The following SPTBN1 variants were observed in gnomAD, a reference collection of about 807,000 sequenced individuals.
SPTBN1 encodes spectrin beta chain, non-erythrocytic 1.
SPTBN1 carries 32 observed loss-of-function variants against 266.4 expected under a neutral mutation model. The ratio of observed to expected loss-of-function variants is 0.12; its 90% CI spans 0.09 to 0.16. The LOEUF (loss-of-function observed/expected upper bound fraction) is 0.16, where lower values mean the gene tolerates loss of function less well. SPTBN1 is among the 10% of genes least tolerant of loss of function. The pLI, the probability that SPTBN1 is intolerant of heterozygous loss-of-function variation, is 1.00. For synonymous variants in SPTBN1, 1,336 were observed against 1,162.2 expected (o/e 1.15, Z -3.04); for missense variants, 2,296 against 3,067.1 (o/e 0.75, Z 5.94).
Position 54,632,609 on chromosome 2 carries a change from G to T in SPTBN1, c.3608G>T (p.Gly1203Val), listed in dbSNP as rs201202003. The T allele has an allele frequency of 6.8e-6, 11 of 1,614,214 alleles. No homozygotes were observed. In the East Asian group the frequency reaches 2.5e-4, roughly 36 times the overall value. Residue 1203 changes from glycine to valine, a missense_variant, in exon 17 of 36, where the codon GGA becomes GTA. By Grantham distance (109) the Gly-to-Val change is moderately radical. Transcript: ENST00000356805. ...ACTGAAATGCCTACCACCTTGGAAG[G>T]AGCTGAAGCAGCAATTAAAAAGCAA... is the stretch of plus-strand genomic sequence containing the variant. ...AHTEMPTTLE[G>V]AEAAIKKQED...
intron 2 of SPTBN1, 91 bp from the exon 3 acceptor site, chr2:54,599,001 C>T: frequency 2.0e-6 from 3 of 1,491,224 alleles, no homozygotes; most frequent in African/African-American, 1.4e-5. Flanking sequence ...TGCTGACCTT[C>T]CTCTGGCTGG....
At chr2:54,644,202 G>C in intron 19 of SPTBN1, 121 bp from the exon 20 acceptor site, 1 of 1,253,700 alleles carries the variant, frequency 8.0e-7, no homozygotes, top group Non-Finnish European at 1.1e-6. Flanking sequence ...CATGTGGAAA[G>C]ACTGTGTGTA....
chr2:54,638,410 G>A (rs757288824), intron 18 of SPTBN1, among the ~76,000 whole-genome samples: 20 of 152,172 alleles, frequency 1.3e-4, no homozygotes, highest in Non-Finnish European at 2.6e-4. Context: ...TTTCTTATTC[G>A]CTTAAGACCT....
intron 1 of SPTBN1, among the ~76,000 whole-genome samples, chr2:54,463,433 G>A (rs758470429): frequency 1.3e-5 from 2 of 152,220 alleles, no homozygotes; most frequent in Non-Finnish European, 2.9e-5. Context: ...AGAGGTCATG[G>A]CTAGAGAGGC....
rs1208768736 is a variant in SPTBN1 at position 54,503,327 on chromosome 2, C to T, written c.-47-23045C>T. ...GCCTTCCTGTTCATGGAGGACTAGG[C>T]GTAGTGTGGGGGTCTCATTGCTCAT... On this transcript the variant is annotated intron_variant, in intron 1 of 35. Coordinates refer to ENST00000356805, the MANE Select transcript of SPTBN1 (RefSeq NM_003128.3). Among the ~76,000 whole-genome samples the T allele has an allele frequency of 3.3e-5, 5 of 152,154 alleles. 1 individual carries two copies. Among genetic ancestry groups the T allele is most frequent in the Admixed American group, 1.3e-4 (2 of 15,272 alleles).
chr2:54,643,429 C>T (rs1414983320), intron 19 of SPTBN1, among the ~76,000 whole-genome samples: 1 of 152,178 alleles, frequency 6.6e-6, no homozygotes, highest in African/African-American at 2.4e-5. Flanking sequence ...AGCTCTCATG[C>T]AGGGATTCCA....
At chr2:54,663,928 G>A (rs1305259964) in intron 32 of SPTBN1, 1 of 152,494 alleles carries the variant, frequency 6.6e-6, no homozygotes, top group African/African-American at 2.4e-5. Context: ...GGGAGGGGGA[G>A]GAGAGCCAGA....
Position 54,655,199 on chromosome 2 carries a change from A to G in SPTBN1, c.5952A>G (p.Ala1984=), listed in dbSNP as rs1362716328. The part of the protein sequence containing the change: ...GKSLLARKHY[A]SEEIKEKLLQ... ...CCCTGTTGGCGAGAAAACACTATGC[A>G]TCTGAGGAGGTAGGTTGCTACTTTG... is the stretch of plus-strand genomic sequence containing the variant. Residue 1984 remains alanine (A), a synonymous_variant, in exon 28 of 36, where the codon GCA becomes GCG. Coordinates refer to ENST00000356805, the MANE Select transcript of SPTBN1 (RefSeq NM_003128.3). 27 of 1,613,304 alleles carry G rather than the reference A, an allele frequency of 1.7e-5. No homozygotes were observed. In the East Asian group the frequency reaches 5.8e-4, roughly 35 times the overall value.
intron 24 of SPTBN1, among the ~76,000 whole-genome samples, 171 bp from the exon 25 acceptor site, chr2:54,648,815 T>C (rs1680082117): frequency 1.3e-5 from 2 of 152,240 alleles, no homozygotes; most frequent in Non-Finnish European, 2.9e-5. Flanking sequence ...CGACTTCAAA[T>C]TGTGGCCAAT....
At chr2:54,568,466 G>T (rs1165188905) in intron 2 of SPTBN1, among the ~76,000 whole-genome samples, 6 of 151,656 alleles carry the variant, frequency 4.0e-5, no homozygotes, top group East Asian at 1.9e-4. Context: ...GGAGTTTTTG[G>T]TTTTTTTGAA....
At chr2:54,666,219 G>GA (rs1681355785) in intron 34 of SPTBN1, 131 bp downstream of exon 34, 3 of 1,005,334 alleles carry the variant, frequency 3.0e-6, no homozygotes, top group Non-Finnish European at 4.3e-6. Flanking sequence ...CCAATAAAGT[G>GA]AAAAACCAGT....
intron 2 of SPTBN1, among the ~76,000 whole-genome samples, chr2:54,559,111 C>T (rs1401010994): frequency 2.6e-5 from 4 of 152,306 alleles, no homozygotes; most frequent in Non-Finnish European, 5.9e-5. Context: ...TTTTGGCTTT[C>T]TAGGTTGTCA....
At chr2:54,518,318 G>A (rs530455434) in intron 1 of SPTBN1, among the ~76,000 whole-genome samples, 1 of 152,154 alleles carries the variant, frequency 6.6e-6, no homozygotes, top group South Asian at 2.1e-4. Flanking sequence ...GTGGGGAGAT[G>A]GGGGAGGGAT....
intron 10 of SPTBN1, among the ~76,000 whole-genome samples, 169 bp from the exon 11 acceptor site, chr2:54,624,635 A>C (rs1022155779): frequency 6.6e-6 from 1 of 152,002 alleles, no homozygotes; most frequent in Admixed American, 6.6e-5. Context: ...TGAGAGAAAA[A>C]CCCGTTTTTT....
rs541237225 is a variant in SPTBN1, at chr2:54,628,910, G to A, written c.1799-23G>A. 2.0e-5 allele frequency: 31 copies of A among 1,558,860 alleles called. No individual in the cohort carries two copies. In the African/African-American group the frequency reaches 2.0e-4, roughly 10 times the overall value. ...ATGCTGAGCTCCCTCACACAGCCACGTTCCTTCCTTGATGTTAAACAGGTT... is the reference window on the plus strand; with the variant it reads ...ATGCTGAGCTCCCTCACACAGCCACATTCCTTCCTTGATGTTAAACAGGTT... On this transcript the variant is annotated intron_variant, in intron 13 of 35. Coordinates refer to ENST00000356805, the MANE Select transcript of SPTBN1 (RefSeq NM_003128.3). The surrounding 1 kb of genome is among the most constrained non-coding windows in gnomAD (Gnocchi z 4.3).
At chr2:54,480,049 C>G (rs1467054174) in intron 1 of SPTBN1, among the ~76,000 whole-genome samples, 2 of 152,114 alleles carry the variant, frequency 1.3e-5, no homozygotes, top group African/African-American at 4.8e-5. Flanking sequence ...TATCTGAGCC[C>G]TTTCCTCAGA....
chr2:54,520,203 G>A (rs760281331), intron 1 of SPTBN1: 3 of 152,184 alleles, frequency 2.0e-5, no homozygotes, highest in Admixed American at 6.5e-5. Context: ...TAACCTGTGC[G>A]ACTTAGATAA....
chr2:54,598,041 G>A (rs757377072), intron 2 of SPTBN1, among the ~76,000 whole-genome samples: 5 of 152,094 alleles, frequency 3.3e-5, no homozygotes, highest in Non-Finnish European at 7.3e-5. Context: ...TCCAGGGTAC[G>A]TTCTGTGGAT....
At chr2:54,559,324 G>A (rs1254873746) in intron 2 of SPTBN1, among the ~76,000 whole-genome samples, 3 of 152,192 alleles carry the variant, frequency 2.0e-5, no homozygotes, top group Non-Finnish European at 4.4e-5. Context: ...CAAAGGGGAG[G>A]AGGGAGGGGT....
Sources: gnomAD v4.1 joint callset for allele counts (sites outside exome capture counted in the v4.1 genomes callset) on GRCh38, gnomAD v4.1.1 for gene constraint, Gnocchi (gnomAD v3.1) non-coding constraint, MANE v1.5 for transcripts, NCBI Gene and HGNC (gene_info 2026-07-23, HGNC 2026-07-21) for gene names.